ASIC2: variants seen among roughly 807,000 people sequenced by gnomAD.
ASIC2 encodes acid sensing ion channel subunit 2.
Under a neutral mutation model 57.3 loss-of-function variants are expected in ASIC2, and 25 were observed. The observed-to-expected ratio is 0.44, with a 90% confidence interval of 0.32 to 0.61. ASIC2 has a LOEUF of 0.61. Ranked by LOEUF, ASIC2 falls within the 20% of genes least tolerant of loss-of-function variation. The probability of loss-of-function intolerance (pLI) is 0.06; values close to 1 mark genes in which losing one functional copy is unlikely to be tolerated. For synonymous variants in ASIC2, 319 were observed against 307.5 expected (o/e 1.04, Z -0.39); for missense variants, 641 against 738.1 (o/e 0.87, Z 1.52).
intron 1 of ASIC2, among the ~76,000 whole-genome samples, chr17:33,769,792 C>T (rs1189169593): frequency 2.0e-5 from 3 of 152,214 alleles, no homozygotes; most frequent in Non-Finnish European, 2.9e-5. Context: ...TGCTGGCAGG[C>T]CTCGTGTCTA....
intron 7 of ASIC2, among the ~76,000 whole-genome samples, chr17:33,020,525 G>T (rs985051684): frequency 6.6e-6 from 1 of 152,136 alleles, no homozygotes; most frequent in African/African-American, 2.4e-5. Flanking sequence ...CTAGAGTCAA[G>T]TCCTTTAACT....
chr17:33,055,211 C>T (rs2091993045), intron 3 of ASIC2, among the ~76,000 whole-genome samples: 1 of 152,232 alleles, frequency 6.6e-6, no homozygotes, highest in Non-Finnish European at 1.5e-5. Flanking sequence ...AAATGCCTGG[C>T]CTGGGATATG....
rs115198245 is a variant in ASIC2, at chr17:33,422,353, C to T, written c.556-310286G>A. 8.9e-3 allele frequency among the ~76,000 whole-genome samples: 1,360 copies of T among 152,324 alleles called. 15 individuals are homozygous for T. Among genetic ancestry groups the T allele is most frequent in the African/African-American group, 0.03 (1,233 of 41,564 alleles). On this transcript the variant is annotated intron_variant, in intron 1 of 9. Transcript: ENST00000359872. ...CCTGTAGCAACCCCCGTCCCCACAG[C>T]TCCACCCTGGGAAAGATAGAGTAGG...
intron 4 of ASIC2, among the ~76,000 whole-genome samples, chr17:33,027,914 C>CTACA (rs2091865648): frequency 6.6e-6 from 1 of 152,228 alleles, no homozygotes; most frequent in African/African-American, 2.4e-5. Context: ...CAAACATGTA[C>CTACA]TACACGAGCT....
intron 1 of ASIC2, among the ~76,000 whole-genome samples, chr17:33,539,519 G>A (rs1476729134): frequency 6.6e-6 from 1 of 152,232 alleles, no homozygotes; most frequent in African/African-American, 2.4e-5. Flanking sequence ...ATTCTTTCCT[G>A]TTTGCCAGGG....
At chr17:33,245,588 G>A (rs1418735718) in intron 1 of ASIC2, among the ~76,000 whole-genome samples, 1 of 152,204 alleles carries the variant, frequency 6.6e-6, no homozygotes, top group Non-Finnish European at 1.5e-5. Context: ...GGAAGCTCAG[G>A]AATGATGTTC....
At chr17:33,561,263 C>G (rs1007852425) in intron 1 of ASIC2, among the ~76,000 whole-genome samples, 1 of 152,102 alleles carries the variant, frequency 6.6e-6, no homozygotes, top group African/African-American at 2.4e-5. Context: ...CAGCTTTATC[C>G]TGGAGTCCGG....
chr17:33,526,352 C>A (rs1914884640), intron 1 of ASIC2, among the ~76,000 whole-genome samples: 1 of 152,102 alleles, frequency 6.6e-6, no homozygotes, highest in East Asian at 1.9e-4. Flanking sequence ...GGGGTTAATT[C>A]TTACTAGTCA....
At chr17:33,873,637 T>A (rs752375230) in intron 1 of ASIC2, among the ~76,000 whole-genome samples, 8 of 152,214 alleles carry the variant, frequency 5.3e-5, no homozygotes, top group Non-Finnish European at 1.2e-4. Flanking sequence ...TATAAAGAAT[T>A]GTTGTAAAGA....
chr17:33,483,328 C>T (rs879575259), intron 1 of ASIC2, among the ~76,000 whole-genome samples: 3 of 152,244 alleles, frequency 2.0e-5, no homozygotes, highest in South Asian at 4.1e-4. Flanking sequence ...ATGGGTCCCC[C>T]GATACAGCCA....
chr17:34,152,934 C>G (rs1013795258), intron 1 of ASIC2, among the ~76,000 whole-genome samples: 3 of 150,888 alleles, frequency 2.0e-5, no homozygotes, highest in Non-Finnish European at 4.4e-5. Flanking sequence ...AGGGAAAAAA[C>G]GTGTGCTTAT....
intron 1 of ASIC2, among the ~76,000 whole-genome samples, chr17:33,874,029 T>A (rs1403092498): frequency 6.6e-6 from 1 of 152,250 alleles, no homozygotes; most frequent in African/African-American, 2.4e-5. Context: ...GCTAATGGCC[T>A]GGAGCCTGGG....
chr17:33,760,459 T>C (rs1203995952), intron 1 of ASIC2, among the ~76,000 whole-genome samples: 1 of 152,038 alleles, frequency 6.6e-6, no homozygotes, highest in Non-Finnish European at 1.5e-5. Flanking sequence ...AAGCAAGATA[T>C]AAGTGTGTGT....
chr17:33,520,365 G>T (rs570289656), intron 1 of ASIC2, among the ~76,000 whole-genome samples: 2 of 152,280 alleles, frequency 1.3e-5, no homozygotes, highest in African/African-American at 4.8e-5. Flanking sequence ...ACGCTCTTTG[G>T]CCAGTGTTTG....
intron 1 of ASIC2, among the ~76,000 whole-genome samples, chr17:33,676,670 A>G (rs1907831948): frequency 6.6e-6 from 1 of 152,254 alleles, no homozygotes; most frequent in Non-Finnish European, 1.5e-5. Context: ...CATGAGGTTT[A>G]AAGAAAGAAG....
intron 1 of ASIC2, among the ~76,000 whole-genome samples, chr17:33,553,930 GGTAGAC>G (rs1434294992): frequency 6.6e-6 from 1 of 152,180 alleles, no homozygotes; most frequent in Admixed American, 6.5e-5. Flanking sequence ...GCATGAGGCA[GGTAGAC>G]GTTGAATCTG....
chr17:33,296,298 C>A (rs1372608111), upstream of ASIC2, among the ~76,000 whole-genome samples: 2 of 152,192 alleles, frequency 1.3e-5, no homozygotes, highest in East Asian at 3.9e-4. Context: ...CACACAGCTA[C>A]CAGTCAGGAG....
chr17:33,543,427 G>A (rs1249201307), intron 1 of ASIC2, among the ~76,000 whole-genome samples: 1 of 152,178 alleles, frequency 6.6e-6, no homozygotes, highest in African/African-American at 2.4e-5. Context: ...GAGAGGTAGT[G>A]TCAGAAGTAA....
Position 33,656,660 on chromosome 17 carries a change from C to T in ASIC2, c.555+499318G>A, listed in dbSNP as rs993025000. Among the ~76,000 whole-genome samples, 5 of 152,162 alleles carry T rather than the reference C, an allele frequency of 3.3e-5. No homozygotes were observed. In the East Asian group the frequency reaches 9.6e-4, roughly 29 times the overall value. ...TTAGAGGTCTTTTCCTCCAGGAAGG[C>T]CTCCTGGAACCTCCAAGCCTGTGTC... On this transcript the variant is annotated intron_variant, in intron 1 of 9. Coordinates refer to the ASIC2 transcript ENST00000359872.
Sources: allele counts gnomAD v4.1 joint callset (sites outside exome capture counted in the v4.1 genomes callset), GRCh38; gene constraint gnomAD v4.1.1; transcripts MANE v1.5; gene names NCBI Gene and HGNC (gene_info 2026-07-23, HGNC 2026-07-21).